CHIC2: variants seen among roughly 807,000 people sequenced by gnomAD.
The protein encoded by CHIC2 is cysteine-rich hydrophobic domain-containing protein 2.
In CHIC2, 14 loss-of-function variants were observed where a neutral mutation model predicts 25.9. The observed-to-expected ratio is 0.54, with a 90% CI of 0.36 to 0.85. The LOEUF (loss-of-function observed/expected upper bound fraction) is 0.85. Among genes scored for constraint, CHIC2 ranks in the 40% least tolerant of loss-of-function variants. The pLI is 0.01. For synonymous variants in CHIC2, 70 were observed against 72.0 expected (o/e 0.97, Z 0.14); for missense variants, 146 against 202.0 (o/e 0.72, Z 1.68).
the CHIC2 span, among the ~76,000 whole-genome samples, chr4:54,077,024 T>A: frequency 1.3e-5 from 2 of 152,212 alleles, no homozygotes; most frequent in African/African-American, 4.8e-5. Flanking sequence ...ACAATTGTCA[T>A]CCTTGTTATC....
upstream of CHIC2, among the ~76,000 whole-genome samples, chr4:54,068,909 G>A (rs747325381): frequency 6.6e-6 from 1 of 152,164 alleles, no homozygotes; most frequent in African/African-American, 2.4e-5. Flanking sequence ...CAACACCCTC[G>A]TCAAGTTCAA....
At chr4:54,042,594 G>C (rs1716612595) in intron 3 of CHIC2, among the ~76,000 whole-genome samples, 1 of 152,144 alleles carries the variant, frequency 6.6e-6, no homozygotes, top group Non-Finnish European at 1.5e-5. Flanking sequence ...TGGGTTACAT[G>C]ATGGCAATTC....
At chr4:54,087,172 A>G in the CHIC2 span, 1 of 735,820 alleles carries the variant, frequency 1.4e-6, no homozygotes, top group South Asian at 1.4e-5. Flanking sequence ...GGACTCCTGG[A>G]AACAGATATG....
chr4:54,089,342 G>A, the CHIC2 span, among the ~76,000 whole-genome samples: 1 of 151,330 alleles, frequency 6.6e-6, no homozygotes, highest in East Asian at 1.9e-4. Context: ...TGATCAGCTT[G>A]AGCCTAGGAG....
intron 3 of CHIC2, among the ~76,000 whole-genome samples, chr4:54,023,225 G>A (rs1344688071): frequency 1.3e-5 from 2 of 152,088 alleles, no homozygotes; most frequent in East Asian, 1.9e-4. Context: ...CCGGAACCGT[G>A]CCCTGTAGCC....
chr4:54,055,911 T>C (rs1717161343), intron 1 of CHIC2, among the ~76,000 whole-genome samples: 1 of 152,048 alleles, frequency 6.6e-6, no homozygotes, highest in Admixed American at 6.6e-5. Context: ...GACCCTGGAG[T>C]TGGAGACGTA....
At chr4:54,070,669 C>T in the CHIC2 span, among the ~76,000 whole-genome samples, 1 of 152,068 alleles carries the variant, frequency 6.6e-6, no homozygotes, top group Non-Finnish European at 1.5e-5. Context: ...GTGATCTGCC[C>T]AACTCGGCCT....
chr4:54,055,879 C>CT (rs1210206133), intron 1 of CHIC2, among the ~76,000 whole-genome samples: 1 of 152,124 alleles, frequency 6.6e-6, no homozygotes, highest in African/African-American at 2.4e-5. Context: ...AAAGTATACT[C>CT]TATTTATACA....
the CHIC2 span, chr4:54,087,041 G>A: frequency 8.7e-7 from 1 of 1,147,184 alleles, no homozygotes; most frequent in Non-Finnish European, 1.3e-6. Flanking sequence ...CCTCAGGAAA[G>A]AAGGCAGCTG....
At chr4:54,047,052 TCATC>T (rs1294851990) in intron 3 of CHIC2, among the ~76,000 whole-genome samples, 1 of 152,182 alleles carries the variant, frequency 6.6e-6, no homozygotes, top group African/African-American at 2.4e-5. Flanking sequence ...GAAAAAATGC[TCATC>T]ATCACTGGCC....
intron 3 of CHIC2, among the ~76,000 whole-genome samples, chr4:54,024,016 T>C (rs1348811432): frequency 6.6e-6 from 1 of 152,166 alleles, no homozygotes; most frequent in Non-Finnish European, 1.5e-5. Flanking sequence ...GGGCAACGCT[T>C]ATGCTGATAA....
chr4:54,083,864 C>G, the CHIC2 span, among the ~76,000 whole-genome samples: 2 of 152,270 alleles, frequency 1.3e-5, no homozygotes, highest in South Asian at 2.1e-4. Flanking sequence ...TACTTCTTCA[C>G]CTGCCACTCA....
the CHIC2 span, chr4:54,087,118 C>A: frequency 1.1e-6 from 1 of 887,686 alleles, no homozygotes. Context: ...CAGAGAACTT[C>A]TTAGCTTCAG....
the CHIC2 span, among the ~76,000 whole-genome samples, chr4:54,070,050 C>T: frequency 6.6e-6 from 1 of 152,180 alleles, no homozygotes; most frequent in Non-Finnish European, 1.5e-5. Flanking sequence ...TCCAAGAAAT[C>T]AGGATTTATT....
Position 54,009,954 on chromosome 4 carries a change from T to TAAAAAAAAAAAAA in CHIC2, c.*140_*141insTTTTTTTTTTTTT. 1 of 400,254 alleles carries TAAAAAAAAAAAAA rather than the reference T, an allele frequency of 2.5e-6. No homozygotes were observed. Among genetic ancestry groups the TAAAAAAAAAAAAA allele is most frequent in the East Asian group, 4.1e-5 (1 of 24,582 alleles). 24.8% of individuals were successfully genotyped at this position (400,254 alleles called of 1,614,324 possible). On this transcript the variant is annotated 3_prime_UTR_variant, in exon 6 of 6. Transcript: ENST00000263921. The stretch of plus-strand genomic sequence containing the variant: ...TGCACACTTAGAACATGCGGTTATT[T>TAAAAAAAAAAAAA]AAAAAAAAAACAAAAACAAAAACAA...
the CHIC2 span, among the ~76,000 whole-genome samples, chr4:54,085,324 C>A: frequency 1.3e-5 from 2 of 152,050 alleles, no homozygotes; most frequent in Non-Finnish European, 2.9e-5. Context: ...TATTGAGATA[C>A]CAATGATCTC....
intron 1 of CHIC2, among the ~76,000 whole-genome samples, chr4:54,052,252 A>G (rs146452613): frequency 2.0e-5 from 3 of 152,280 alleles, no homozygotes; most frequent in African/African-American, 7.2e-5. Context: ...ACTGTAAAAT[A>G]TCACCTCTAA....
chr4:54,044,227 C>T (rs1418704991), intron 3 of CHIC2, among the ~76,000 whole-genome samples: 3 of 152,182 alleles, frequency 2.0e-5, no homozygotes, highest in Non-Finnish European at 2.9e-5. Flanking sequence ...CCACTGTCAA[C>T]ATTAGACAGA....
intron 3 of CHIC2, among the ~76,000 whole-genome samples, chr4:54,042,601 A>G (rs938024840): frequency 4.6e-5 from 7 of 152,196 alleles, no homozygotes; most frequent in African/African-American, 1.7e-4. Flanking sequence ...CATGATGGCA[A>G]TTCCCAACCA....
Sources: gnomAD v4.1 joint callset for allele counts (sites outside exome capture counted in the v4.1 genomes callset) on GRCh38, gnomAD v4.1.1 for gene constraint, MANE v1.5 for transcripts, NCBI Gene and HGNC (gene_info 2026-07-23, HGNC 2026-07-21) for gene names.